Variants in SORCS2 observed in about 807,000 individuals in gnomAD.
SORCS2 encodes sortilin related VPS10 domain containing receptor 2.
Under a neutral mutation model 141.6 loss-of-function variants are expected in SORCS2, and 100 were observed. That is an observed-to-expected ratio of 0.71 (90% CI 0.60 to 0.83). SORCS2 has a LOEUF of 0.83. SORCS2 is among the 40% of genes least tolerant of loss of function. The pLI is 0.00. For missense variants in SORCS2, 1,646 were observed against 1,560.2 expected (o/e 1.05, Z -0.93); for synonymous variants, 789 against 676.9 (o/e 1.17, Z -2.57).
At chr4:7,305,157 G>A (rs1307871227) in intron 1 of SORCS2, among the ~76,000 whole-genome samples, 1 of 151,638 alleles carries the variant, frequency 6.6e-6, no homozygotes. Context: ...TCAGCCTCCC[G>A]AGTAGCTGGG....
At chr4:7,253,816 C>T (rs989469000) in intron 1 of SORCS2, among the ~76,000 whole-genome samples, 1 of 152,232 alleles carries the variant, frequency 6.6e-6, no homozygotes, top group Admixed American at 6.5e-5. Context: ...GAAGAAGTCA[C>T]GGGATTCCGT....
At chr4:7,508,830 A>G (rs1025892844) in intron 2 of SORCS2, among the ~76,000 whole-genome samples, 6 of 152,236 alleles carry the variant, frequency 3.9e-5, no homozygotes, top group African/African-American at 1.4e-4. Flanking sequence ...ATTGATAAAT[A>G]GGAGCAAAGA....
At chr4:7,458,073 C>T (rs1048844281) in intron 2 of SORCS2, among the ~76,000 whole-genome samples, 4 of 152,204 alleles carry the variant, frequency 2.6e-5, no homozygotes, top group African/African-American at 7.2e-5. Context: ...GCCCAACTCC[C>T]CTCAGGGGTG....
At chr4:7,434,565 G>A (rs771618014) in intron 2 of SORCS2, 16 of 1,613,334 alleles carry the variant, frequency 9.9e-6, no homozygotes, top group Middle Eastern at 1.6e-4. Context: ...ACTTGCATCC[G>A]GCTGAAGACT....
intron 1 of SORCS2, among the ~76,000 whole-genome samples, chr4:7,350,714 C>T (rs1297022925): frequency 5.3e-5 from 8 of 152,210 alleles, no homozygotes; most frequent in Non-Finnish European, 1.2e-4. Flanking sequence ...ACTTGGCAGT[C>T]CTTCTCTTGG....
chr4:7,358,084 A>G, intron 1 of SORCS2, among the ~76,000 whole-genome samples: 1 of 152,158 alleles, frequency 6.6e-6, no homozygotes, highest in East Asian at 1.9e-4. Context: ...AAAATAATAC[A>G]TCTGGTCTCA....
At position 7,216,645 on chromosome 4, in the gene SORCS2, G is replaced by A. The variant is rs552611029; in HGVS notation, c.480+23519G>A. On this transcript the variant is annotated intron_variant, in intron 1 of 26. Coordinates refer to ENST00000507866, the MANE Select transcript of SORCS2 (RefSeq NM_020777.3). Reference sequence around the variant, plus strand: ...TCCCATCCCTCCAATCTCTGCCTTCGCGTCTCCTTCTCTGGCTCTGACCCT... The same window carrying A: ...TCCCATCCCTCCAATCTCTGCCTTCACGTCTCCTTCTCTGGCTCTGACCCT... 3.2e-4 allele frequency among the ~76,000 whole-genome samples: 49 copies of A among 152,140 alleles called. No homozygotes were observed. In the South Asian group the frequency reaches 6.2e-3, roughly 19 times the overall value.
intron 1 of SORCS2, among the ~76,000 whole-genome samples, chr4:7,274,197 C>G (rs1715324290): frequency 6.6e-6 from 1 of 152,240 alleles, no homozygotes; most frequent in Non-Finnish European, 1.5e-5. Context: ...GACTGGGAAC[C>G]CCTTTCCCCA....
At chr4:7,687,067 C>T (rs868865311) in intron 10 of SORCS2, among the ~76,000 whole-genome samples, 25 of 152,300 alleles carry the variant, frequency 1.6e-4, no homozygotes, top group Middle Eastern at 6.8e-3. Context: ...CCACTGTGCA[C>T]GCAGCAAGTG....
At chr4:7,389,995 G>A (rs1012962074) in intron 1 of SORCS2, among the ~76,000 whole-genome samples, 1 of 152,164 alleles carries the variant, frequency 6.6e-6, no homozygotes, top group Non-Finnish European at 1.5e-5. Flanking sequence ...CTGCAGGCCT[G>A]GGGTGGGGCT....
At chr4:7,606,045 G>T (rs766784878) in intron 3 of SORCS2, among the ~76,000 whole-genome samples, 3 of 152,192 alleles carry the variant, frequency 2.0e-5, no homozygotes, top group Non-Finnish European at 4.4e-5. Context: ...AGGGAGAGGT[G>T]CTCTGGCCGG....
rs183633749 is a variant in SORCS2 at position 7,604,003 on chromosome 4, T to A, written c.649-34325T>A. ...TGTGTGACTATGTTGCGTGTGACTC[T>A]GTTGTGTGTTTGTTGTGTGTTGTGT... On this transcript the variant is annotated intron_variant, in intron 3 of 26. Coordinates refer to ENST00000507866, the MANE Select transcript of SORCS2 (RefSeq NM_020777.3). 4.7e-3 allele frequency among the ~76,000 whole-genome samples: 709 copies of A among 150,462 alleles called. 6 individuals carry two copies. Among genetic ancestry groups the A allele is most frequent in the African/African-American group, 0.017 (669 of 39,796 alleles).
chr4:7,712,370 T>C (rs1725875284), intron 14 of SORCS2, among the ~76,000 whole-genome samples: 1 of 152,102 alleles, frequency 6.6e-6, no homozygotes, highest in Non-Finnish European at 1.5e-5. Context: ...CGCAAAACAA[T>C]GCAAGGACCA....
intron 3 of SORCS2, among the ~76,000 whole-genome samples, chr4:7,546,860 C>T (rs954331271): frequency 9.9e-5 from 15 of 152,228 alleles, no homozygotes; most frequent in Admixed American, 6.5e-4. Flanking sequence ...AGAAAACTGA[C>T]AAATCACTTT....
chr4:7,656,051 C>T lies in SORCS2; in HGVS notation c.887+1844C>T, dbSNP rs553581152. 2.6e-5 allele frequency among the ~76,000 whole-genome samples: 4 copies of T among 152,356 alleles called. No individual in the cohort carries two copies. The South Asian group carries it at 6.2e-4, about 24-fold the overall frequency. The stretch of plus-strand genomic sequence containing the variant: ...GATCTCTCCTGGAGCGTGGTGACAG[C>T]GGTGGGGATATCTCCCCTCCCCTTG... On this transcript the variant is annotated intron_variant, in intron 5 of 26. Transcript: ENST00000507866.
At chr4:7,546,867 C>T (rs562862077) in intron 3 of SORCS2, among the ~76,000 whole-genome samples, 1 of 152,372 alleles carries the variant, frequency 6.6e-6, no homozygotes, top group South Asian at 2.1e-4. Flanking sequence ...TGACAAATCA[C>T]TTTCTTATCC....
chr4:7,437,032 A>G (rs1035541768), intron 2 of SORCS2, among the ~76,000 whole-genome samples: 4 of 152,054 alleles, frequency 2.6e-5, no homozygotes, highest in African/African-American at 9.7e-5. Context: ...GGTGTTTTCC[A>G]ACACCAACGA....
At chr4:7,214,039 T>C (rs1432945026) in intron 1 of SORCS2, among the ~76,000 whole-genome samples, 1 of 151,978 alleles carries the variant, frequency 6.6e-6, no homozygotes, top group Non-Finnish European at 1.5e-5. Context: ...AGGTCTGGGG[T>C]GTCTGTTTAC....
chr4:7,444,746 C>T (rs924519978), intron 2 of SORCS2, among the ~76,000 whole-genome samples: 9 of 152,262 alleles, frequency 5.9e-5, no homozygotes, highest in South Asian at 4.1e-4. Flanking sequence ...GAGTCAGAGG[C>T]GACTGTGGTG....
Sources: allele counts gnomAD v4.1 joint callset (sites outside exome capture counted in the v4.1 genomes callset), GRCh38; gene constraint gnomAD v4.1.1; transcripts MANE v1.5; gene names NCBI Gene and HGNC (gene_info 2026-07-23, HGNC 2026-07-21).